Variants in TANC1 observed in about 807,000 individuals in gnomAD.
The protein encoded by TANC1 is protein TANC1.
A neutral mutation model predicts 149.7 loss-of-function variants in TANC1; 77 were observed. The ratio of observed to expected loss-of-function variants is 0.51; its 90% confidence interval spans 0.43 to 0.62. The LOEUF is 0.62. Among genes scored for constraint, TANC1 ranks in the 20% least tolerant of loss-of-function variants. The probability of loss-of-function intolerance (pLI) is 0.00; values close to 1 mark genes in which losing one functional copy is unlikely to be tolerated. For synonymous variants in TANC1, 854 were observed against 925.0 expected, an observed-to-expected ratio of 0.92 and a Z score of 1.39; for missense variants, 1,985 against 2,321.8, an observed-to-expected ratio of 0.85 and a Z score of 2.98.
intron 2 of TANC1, among the ~76,000 whole-genome samples, chr2:159,028,019 A>G (rs1466696302): frequency 2.0e-5 from 3 of 151,894 alleles, no homozygotes; most frequent in Non-Finnish European, 4.4e-5. Flanking sequence ...TCTCATCCTT[A>G]TTTCCTCCCA....
At chr2:159,165,027 T>G (rs1427331954) in intron 8 of TANC1, among the ~76,000 whole-genome samples, 1 of 152,224 alleles carries the variant, frequency 6.6e-6, no homozygotes, top group Non-Finnish European at 1.5e-5. Flanking sequence ...CTAGTTATGA[T>G]GAATGGGTCA....
Position 159,107,663 on chromosome 2 carries a change from G to A in TANC1, c.259+9829G>A, listed in dbSNP as rs75388161. 2.3e-4 allele frequency among the ~76,000 whole-genome samples: 35 copies of A among 152,232 alleles called. 1 individual carries two copies. In the East Asian group the frequency reaches 6.8e-3, roughly 29 times the overall value. On this transcript the variant is annotated intron_variant, in intron 4 of 26. Coordinates refer to ENST00000263635, the MANE Select transcript of TANC1 (RefSeq NM_033394.3). Reference sequence around the variant, plus strand: ...TGTTGTGCCTTCACCCAGCCCTATTGTTCCTCTTCCCCCATTGCTCATCCT... The same window carrying A: ...TGTTGTGCCTTCACCCAGCCCTATTATTCCTCTTCCCCCATTGCTCATCCT...
chr2:159,011,732 T>A (rs928452047), intron 2 of TANC1, among the ~76,000 whole-genome samples: 7 of 152,090 alleles, frequency 4.6e-5, no homozygotes, highest in Non-Finnish European at 1.0e-4. Flanking sequence ...ATAGAACTAA[T>A]ATCAGAGACT....
At position 159,146,634 on chromosome 2, in the gene TANC1, G is replaced by A. The variant is rs548253670; in HGVS notation, c.365-2508G>A. ...CGGCTCACTGCAACCTCTGCCTCCC[G>A]GATTCAAGTGATTCCCCTGCCTCAG... On this transcript the variant is annotated intron_variant, in intron 5 of 26. Transcript: ENST00000263635. 2.7e-5 allele frequency among the ~76,000 whole-genome samples: 4 copies of A among 150,028 alleles called. No homozygotes were observed. The South Asian group carries it at 8.5e-4, about 32-fold the overall frequency.
intron 3 of TANC1, among the ~76,000 whole-genome samples, chr2:159,074,127 G>A (rs753533140): frequency 3.3e-5 from 5 of 150,414 alleles, no homozygotes; most frequent in African/African-American, 4.8e-5. Flanking sequence ...ACTCCCCTCT[G>A]TCCTTTTAGG....
intron 2 of TANC1, among the ~76,000 whole-genome samples, chr2:159,017,635 A>C (rs1017275383): frequency 5.3e-5 from 8 of 151,982 alleles, no homozygotes; most frequent in African/African-American, 1.9e-4. Flanking sequence ...TATTTCACAT[A>C]TTTTTTTAAT....
intron 2 of TANC1, among the ~76,000 whole-genome samples, chr2:159,035,606 G>A (rs16843582): frequency 0.051 from 7,737 of 152,180 alleles, 623 homozygotes; most frequent in African/African-American, 0.17. Context: ...AGTTTCTCTG[G>A]TCTCATTGAC....
Position 159,225,479 on chromosome 2 carries a change from G to A in TANC1, c.3812-209G>A. 5.1e-6 allele frequency: 3 copies of A among 589,110 alleles called. No homozygotes were observed. In the South Asian group the frequency reaches 6.3e-5, roughly 12 times the overall value. 36.5% of individuals were successfully genotyped at this position (589,110 alleles called of 1,614,324 possible). A position where few individuals can be genotyped will look rare whatever the true frequency, so the allele number is the denominator to read the frequency against. On this transcript the variant is annotated intron_variant, in intron 23 of 26. Coordinates refer to ENST00000263635, the MANE Select transcript of TANC1 (RefSeq NM_033394.3). ...CCTTCGTTTCTCATTACTTTTTTCA[G>A]TAAAATAACAAGGACAGATTTGAGT...
chr2:159,195,769 G>A (rs78418822), intron 17 of TANC1, among the ~76,000 whole-genome samples: 2,428 of 152,278 alleles, frequency 0.016, 30 homozygotes, highest in African/African-American at 0.029. Flanking sequence ...TTTATTCTGA[G>A]GCCAGCAGGC....
intron 2 of TANC1, among the ~76,000 whole-genome samples, chr2:159,017,752 A>T (rs2038423783): frequency 6.6e-6 from 1 of 152,048 alleles, no homozygotes; most frequent in African/African-American, 2.4e-5. Flanking sequence ...CAAATACCTA[A>T]TGCACGCGGG....
rs776832983 is a variant in TANC1, at chr2:159,179,168, G to C, written c.2510+5G>C. 1 of 1,601,994 alleles carries C rather than the reference G, an allele frequency of 6.2e-7. No homozygotes were observed. The highest frequency in any genetic ancestry group is 1.1e-5 in the South Asian group (1 of 89,576). On this transcript the variant is annotated splice_donor_5th_base_variant and intron_variant, in intron 14 of 26. Transcript: ENST00000263635. ...GGCCTTCCTGTGTGAGCCCAGGTACGGCAGGCGCTTTCTTTCAGCTCTTTG... is the reference window on the plus strand; with the variant it reads ...GGCCTTCCTGTGTGAGCCCAGGTACCGCAGGCGCTTTCTTTCAGCTCTTTG...
chr2:159,099,369 A>G (rs1017523577), intron 4 of TANC1, among the ~76,000 whole-genome samples: 2 of 152,044 alleles, frequency 1.3e-5, no homozygotes, highest in East Asian at 3.9e-4. Flanking sequence ...TAGTTCCCAC[A>G]CTGCCTGTCA....
chr2:158,996,357 C>G (rs1170628320), intron 1 of TANC1, among the ~76,000 whole-genome samples: 2 of 152,184 alleles, frequency 1.3e-5, no homozygotes, highest in South Asian at 2.1e-4. Flanking sequence ...CAGCCTGTCT[C>G]AAAACAAAAA....
intron 3 of TANC1, among the ~76,000 whole-genome samples, chr2:159,072,786 T>G (rs1171194680): frequency 3.9e-5 from 6 of 151,938 alleles, no homozygotes; most frequent in South Asian, 4.1e-4. Flanking sequence ...AAAAAAAGCT[T>G]CTTGTTCCTT....
At chr2:159,149,429 G>A (rs2052529234) in intron 6 of TANC1, 157 bp downstream of exon 6, 2 of 1,066,226 alleles carry the variant, frequency 1.9e-6, no homozygotes, top group African/African-American at 3.1e-5. Context: ...TTGGTTCTGG[G>A]TTTTTGCAGT....
chr2:159,175,696 C>A (rs2150515054), intron 12 of TANC1, among the ~76,000 whole-genome samples: 1 of 152,352 alleles, frequency 6.6e-6, no homozygotes, highest in South Asian at 2.1e-4. Flanking sequence ...ATCCTCTCTG[C>A]CCTGGACTCC....
intron 19 of TANC1, among the ~76,000 whole-genome samples, chr2:159,208,375 TGAAGTC>T (rs1443961881): frequency 1.1e-4 from 16 of 152,228 alleles, no homozygotes; most frequent in Non-Finnish European, 2.1e-4. Flanking sequence ...ATCACACACA[TGAAGTC>T]CTGTTTACAG....
chr2:159,046,555 TG>T (rs139084995), intron 2 of TANC1, among the ~76,000 whole-genome samples: 36,528 of 149,822 alleles, frequency 0.24, 5,952 homozygotes, highest in Non-Finnish European at 0.37. Context: ...CTGTCTCTTC[TG>T]GGTTCCTATG....
intron 5 of TANC1, chr2:159,148,498 G>T (rs1413337662): frequency 6.6e-6 from 1 of 152,222 alleles, no homozygotes; most frequent in Non-Finnish European, 1.5e-5. Flanking sequence ...CTACATCTTT[G>T]CATGGGCAAC....
Sources: gnomAD v4.1 joint callset for allele counts (sites outside exome capture counted in the v4.1 genomes callset) on GRCh38, gnomAD v4.1.1 for gene constraint, MANE v1.5 for transcripts, NCBI Gene and HGNC (gene_info 2026-07-23, HGNC 2026-07-21) for gene names.